The following COL18A1 variants were observed in gnomAD, a reference collection of about 807,000 sequenced individuals.
COL18A1 encodes collagen type XVIII alpha 1 chain.
COL18A1 carries 133 observed loss-of-function variants against 168.0 expected under a neutral mutation model. That is an observed-to-expected ratio of 0.79 (90% confidence interval 0.69 to 0.91). The LOEUF is 0.91. Among genes scored for constraint, COL18A1 ranks in the 40% least tolerant of loss-of-function variants. The probability of loss-of-function intolerance (pLI) is 0.00; values close to 1 mark genes in which losing one functional copy is unlikely to be tolerated. For missense variants in COL18A1, 2,126 were observed against 1,925.4 expected (o/e 1.10, Z -1.95); for synonymous variants, 949 against 809.0 (o/e 1.17, Z -2.94).
intron 18 of COL18A1, among the ~76,000 whole-genome samples, chr21:45,489,285 G>A (rs187558427): frequency 6.6e-6 from 1 of 152,276 alleles, no homozygotes; most frequent in Admixed American, 6.5e-5. Context: ...CAGCCGTCCC[G>A]GCCGGGTGCC....
chr21:45,431,797 G>T (rs569002890), intron 2 of COL18A1, among the ~76,000 whole-genome samples: 8 of 152,112 alleles, frequency 5.3e-5, no homozygotes, highest in Admixed American at 5.2e-4. Context: ...GGTCTAAGCC[G>T]CGCGCATTGG....
In COL18A1 at chr21:45,511,128, C is replaced by T. The variant is rs1382806829; in HGVS notation, c.3711C>T (p.Pro1237=). ...IVNLKDELLF[P]SWEALFSGSE... is the part of the protein sequence containing the mutation. Reference sequence around the variant, plus strand: ...TCTTCCAGGACGAGCTGCTGTTTCCCAGCTGGGAGGCTCTGTTCTCAGGCT... The same window carrying T: ...TCTTCCAGGACGAGCTGCTGTTTCCTAGCTGGGAGGCTCTGTTCTCAGGCT... The change falls in exon 41 of 42, where the codon CCC becomes CCT. Residue 1237 remains proline (P), a synonymous_variant. Transcript: ENST00000651438. 3.2e-6 allele frequency: 5 copies of T among 1,585,158 alleles called. No homozygotes were observed. The East Asian group carries it at 9.2e-5, about 29-fold the overall frequency.
intron 2 of COL18A1, among the ~76,000 whole-genome samples, chr21:45,465,827 C>T (rs1027528585): frequency 2.0e-5 from 3 of 152,304 alleles, no homozygotes; most frequent in East Asian, 1.9e-4. Flanking sequence ...GTGGAGTGCA[C>T]GTGTCTGAGG....
intron 2 of COL18A1, among the ~76,000 whole-genome samples, chr21:45,426,707 G>A (rs751164522): frequency 3.9e-5 from 6 of 152,248 alleles, no homozygotes; most frequent in Admixed American, 2.6e-4. Flanking sequence ...CCCTCTGCAC[G>A]TGCTGCTGAT....
intron 2 of COL18A1, among the ~76,000 whole-genome samples, chr21:45,444,947 T>C (rs1938131602): frequency 6.6e-6 from 1 of 152,194 alleles, no homozygotes; most frequent in Admixed American, 6.5e-5. Flanking sequence ...GAAAATGTGA[T>C]GTGGGTCTCC....
At position 45,479,886 on chromosome 21, in the gene COL18A1, G is replaced by T; in HGVS notation, c.1249-16G>T. On this transcript the variant is annotated splice_polypyrimidine_tract_variant and intron_variant, in intron 9 of 41. Coordinates refer to ENST00000651438, the MANE Select transcript of COL18A1 (RefSeq NM_001379500.1). ...TGGTGCCTTCCCTGACCGGGCCCCC[G>T]GATGTTGTGTTCCAGGGCGACACCG... is the stretch of plus-strand genomic sequence containing the variant. 6.2e-7 allele frequency: 1 copy of T among 1,613,386 alleles called. No homozygotes were observed. The highest frequency in any genetic ancestry group is 1.1e-5 in the South Asian group (1 of 91,066).
chr21:45,427,272 C>G (rs1032566336), intron 2 of COL18A1, among the ~76,000 whole-genome samples: 1 of 152,196 alleles, frequency 6.6e-6, no homozygotes, highest in Non-Finnish European at 1.5e-5. Context: ...GTCACCTCCC[C>G]CTGCTGTCCT....
At position 45,471,118 on chromosome 21, in the gene COL18A1, C is replaced by T. The variant is rs960499353; in HGVS notation, c.651+2332C>T. 7.1e-6 allele frequency among the ~76,000 whole-genome samples: 1 copy of T among 140,116 alleles called. No individual in the cohort carries two copies. Among genetic ancestry groups the T allele is most frequent in the Admixed American group, 7.2e-5 (1 of 13,978 alleles). 91.9% of individuals were successfully genotyped at this position (140,116 alleles called of 152,430 possible). A position where few individuals can be genotyped will look rare whatever the true frequency, so the allele number is the denominator to read the frequency against. On this transcript the variant is annotated intron_variant, in intron 3 of 41. Coordinates refer to ENST00000651438, the MANE Select transcript of COL18A1 (RefSeq NM_001379500.1). The surrounding 1 kb of genome is among the most constrained non-coding windows in gnomAD (Gnocchi z 4.4). ...GCCGTGTGCTGCTGGGCCTGGGTGG[C>T]GCACTACGGGCCTTGTGCTGCTGGG...
intron 26 of COL18A1, chr21:45,494,248 T>TCCCCCCCCC: frequency 2.1e-6 from 1 of 472,546 alleles, no homozygotes; most frequent in East Asian, 4.0e-5. Flanking sequence ...GCACATGCCC[T>TCCCCCCCCC]CCACCCTCCA....
At chr21:45,496,604 C>A in intron 30 of COL18A1, 36 bp downstream of exon 30, 2 of 848,418 alleles carry the variant, frequency 2.4e-6, no homozygotes, top group Non-Finnish European at 3.7e-6. Flanking sequence ...CTACAGCCAC[C>A]CTTGGCTGTC....
Position 45,471,667 on chromosome 21 carries a change from G to C in COL18A1, c.652-2228G>C, listed in dbSNP as rs964230524. Among the ~76,000 whole-genome samples, 1 of 152,088 alleles carries C rather than the reference G, an allele frequency of 6.6e-6. No individual in the cohort carries two copies. The highest frequency in any genetic ancestry group is 2.4e-5 in the African/African-American group (1 of 41,398). On this transcript the variant is annotated intron_variant, in intron 3 of 41. Transcript: ENST00000651438. This position sits in a 1 kb window ranked among gnomAD's most constrained non-coding sequence, Gnocchi z 4.4. The stretch of plus-strand genomic sequence containing the variant: ...TCAGGTTTGTCAGTGGTCGTCTCCC[G>C]GGAAATCATGCACCCCTCCCAGCTG...
chr21:45,497,240 C>A (rs752335387), intron 31 of COL18A1, 148 bp downstream of exon 31: 3 of 706,580 alleles, frequency 4.2e-6, no homozygotes, highest in Non-Finnish European at 7.6e-6. Flanking sequence ...GTTCCGATGA[C>A]CTTGGCCCTT....
intron 38 of COL18A1, among the ~76,000 whole-genome samples, chr21:45,509,020 G>A (rs1471622829): frequency 1.3e-5 from 2 of 152,254 alleles, no homozygotes; most frequent in East Asian, 1.9e-4. Context: ...TTAGAAGGTC[G>A]AAGGTCGCCG....
intron 22 of COL18A1, among the ~76,000 whole-genome samples, chr21:45,491,523 C>T (rs964995151): frequency 4.0e-5 from 5 of 123,928 alleles, no homozygotes; most frequent in African/African-American, 1.3e-4. Flanking sequence ...GTTGGAGACA[C>T]CGAGGAGAGG....
intron 2 of COL18A1, among the ~76,000 whole-genome samples, chr21:45,430,114 G>A (rs1210887118): frequency 6.9e-6 from 1 of 144,846 alleles, no homozygotes. Context: ...CTCTCGTTGG[G>A]GACCCCCCGT....
At chr21:45,467,510 G>A (rs771297539) in intron 2 of COL18A1, 42 of 888,544 alleles carry the variant, frequency 4.7e-5, no homozygotes, top group Non-Finnish European at 5.4e-5. Flanking sequence ...GCTTGTCCTT[G>A]CCACATGAAG....
chr21:45,493,241 G>A lies in COL18A1; in HGVS notation c.2277+16G>A, dbSNP rs555214676. ...GGGACCCAAGGTAAGGGGCTCAGGT[G>A]CTGTCCCTCAACCCCCTTTGTGACC... is the stretch of plus-strand genomic sequence containing the variant. On this transcript the variant is annotated intron_variant, in intron 25 of 41. Coordinates refer to ENST00000651438, the MANE Select transcript of COL18A1 (RefSeq NM_001379500.1). The A allele has an allele frequency of 1.4e-5, 21 of 1,553,040 alleles. No homozygotes were observed. The South Asian group carries it at 1.8e-4, about 13-fold the overall frequency.
intron 4 of COL18A1, 122 bp downstream of exon 4, chr21:45,474,103 A>C (rs547156974): frequency 2.7e-6 from 2 of 740,502 alleles, no homozygotes; most frequent in Admixed American, 4.3e-5. Flanking sequence ...GGAAGCTGCG[A>C]TACCATTTCT....
chr21:45,446,348 G>T (rs1337824120), intron 2 of COL18A1, among the ~76,000 whole-genome samples: 1 of 152,130 alleles, frequency 6.6e-6, no homozygotes, highest in Non-Finnish European at 1.5e-5. Context: ...CTTAAAACTG[G>T]GAATGTAAGT....
Sources: gnomAD v4.1 joint callset for allele counts (sites outside exome capture counted in the v4.1 genomes callset) on GRCh38, gnomAD v4.1.1 for gene constraint, Gnocchi (gnomAD v3.1) non-coding constraint, MANE v1.5 for transcripts, NCBI Gene and HGNC (gene_info 2026-07-23, HGNC 2026-07-21) for gene names.